Variants in DLG2 observed in about 807,000 individuals in gnomAD.
DLG2 encodes the protein discs large MAGUK scaffold protein 2.
Under a neutral mutation model 132.5 loss-of-function variants are expected in DLG2, and 45 were observed. The observed-to-expected ratio is 0.34, with a 90% confidence interval of 0.27 to 0.44. The LOEUF (loss-of-function observed/expected upper bound fraction) is 0.44. Ranked by LOEUF, DLG2 falls within the 20% of genes least tolerant of loss-of-function variation. The pLI, the probability that DLG2 is intolerant of heterozygous loss-of-function variation, is 1.00. For missense variants in DLG2, 1,045 were observed against 1,196.9 expected (o/e 0.87, Z 1.87); for synonymous variants, 424 against 419.6 (o/e 1.01, Z -0.13).
At chr11:84,118,616 C>T (rs1474995230) in intron 9 of DLG2, among the ~76,000 whole-genome samples, 1 of 152,194 alleles carries the variant, frequency 6.6e-6, no homozygotes, top group African/African-American at 2.4e-5. Context: ...TAAAGTGCAG[C>T]ACAGAGGTAT....
At chr11:84,678,711 A>G (rs1421615639) in intron 6 of DLG2, among the ~76,000 whole-genome samples, 1 of 152,074 alleles carries the variant, frequency 6.6e-6, no homozygotes, top group Non-Finnish European at 1.5e-5. Context: ...TTGTAAATAT[A>G]TATTTATACC....
At chr11:84,749,594 C>G (rs2065837945) in intron 6 of DLG2, among the ~76,000 whole-genome samples, 1 of 152,102 alleles carries the variant, frequency 6.6e-6, no homozygotes, top group African/African-American at 2.4e-5. Flanking sequence ...ATATTGCAGG[C>G]TACACCATCT....
chr11:85,453,267 C>G, intron 3 of DLG2: 1 of 327,204 alleles, frequency 3.1e-6, no homozygotes, highest in South Asian at 6.1e-5. Context: ...CAATAATCTT[C>G]TGGAAATCCA....
At chr11:83,582,613 G>C (rs916469025) in intron 19 of DLG2, among the ~76,000 whole-genome samples, 18 of 152,134 alleles carry the variant, frequency 1.2e-4, no homozygotes, top group Admixed American at 7.9e-4. Flanking sequence ...CCATTCCCCA[G>C]CAATATTATT....
chr11:84,125,443 C>T (rs2094130677), intron 9 of DLG2, among the ~76,000 whole-genome samples: 1 of 152,122 alleles, frequency 6.6e-6, no homozygotes, highest in Admixed American at 6.5e-5. Context: ...AATAAAGTGA[C>T]CCTCCAAACA....
chr11:84,895,823 TG>T (rs145203249), intron 6 of DLG2, among the ~76,000 whole-genome samples: 1,865 of 152,216 alleles, frequency 0.012, 48 homozygotes, highest in African/African-American at 0.042. Context: ...AATAATCATC[TG>T]AGAATGGAGA....
intron 3 of DLG2, among the ~76,000 whole-genome samples, chr11:85,582,916 G>T (rs1476680700): frequency 2.0e-5 from 3 of 148,282 alleles, no homozygotes; most frequent in Admixed American, 6.8e-5. Context: ...TACATTAGAT[G>T]ATTCAATTTG....
At chr11:83,716,286 A>AG (rs1271936486) in intron 18 of DLG2, among the ~76,000 whole-genome samples, 1 of 152,222 alleles carries the variant, frequency 6.6e-6, no homozygotes, top group Non-Finnish European at 1.5e-5. Flanking sequence ...TACAGCTTCA[A>AG]GCACAGAGAC....
chr11:84,160,396 AGAACT>A (rs1156279741), intron 9 of DLG2, among the ~76,000 whole-genome samples: 1 of 152,156 alleles, frequency 6.6e-6, no homozygotes, highest in African/African-American at 2.4e-5. Context: ...GTTAGGTCTG[AGAACT>A]GATGCTTCAA....
At chr11:83,965,559 T>A in intron 12 of DLG2, 91 bp from the exon 13 acceptor site, 1 of 1,035,984 alleles carries the variant, frequency 9.7e-7, no homozygotes, top group Non-Finnish European at 1.4e-6. Context: ...TTATAAATTG[T>A]GATAATTACT....
chr11:84,982,462 A>T (rs77778544), intron 6 of DLG2, among the ~76,000 whole-genome samples: 1 of 152,198 alleles, frequency 6.6e-6, no homozygotes, highest in Admixed American at 6.5e-5. Flanking sequence ...CCCATGCCCC[A>T]TACATCAACA....
At chr11:85,030,492 G>A (rs2060913564) in intron 6 of DLG2, among the ~76,000 whole-genome samples, 2 of 152,278 alleles carry the variant, frequency 1.3e-5, no homozygotes, top group South Asian at 4.1e-4. Context: ...AAAACAGTAA[G>A]AGTACAAGCA....
intron 5 of DLG2, among the ~76,000 whole-genome samples, chr11:85,134,733 TA>T (rs2076032150): frequency 6.6e-6 from 1 of 151,980 alleles, no homozygotes; most frequent in African/African-American, 2.4e-5. Flanking sequence ...GCACTGTTCA[TA>T]AAGATTTTAA....
chr11:84,647,219 A>G (rs2099676023), intron 6 of DLG2, among the ~76,000 whole-genome samples: 1 of 152,214 alleles, frequency 6.6e-6, no homozygotes, highest in African/African-American at 2.4e-5. Flanking sequence ...AAAGGTACGT[A>G]CAATTATGCC....
rs1233079465 is a variant in DLG2, at chr11:84,502,394, CTT to C, written c.519+32174_519+32175del. 3.4e-3 allele frequency among the ~76,000 whole-genome samples: 314 copies of C among 93,442 alleles called. 1 individual carries two copies. The highest frequency in any genetic ancestry group is 6.9e-3 in the South Asian group (22 of 3,176). The allele number at this position is 93,442 out of a possible 152,430, so 61.3% of individuals were successfully genotyped here. ...TCTTTCTTTCTTTCTTTCTTTCTTTCTTTCTTTCTTTCTTTCTTTCTATACAG... is the reference window on the plus strand; with the variant it reads ...TCTTTCTTTCTTTCTTTCTTTCTTTCTCTTTCTTTCTTTCTTTCTATACAG... On this transcript the variant is annotated intron_variant, in intron 7 of 27. Transcript: ENST00000376104.
At chr11:84,429,769 G>A (rs985475450) in intron 7 of DLG2, among the ~76,000 whole-genome samples, 4 of 152,120 alleles carry the variant, frequency 2.6e-5, no homozygotes, top group Non-Finnish European at 4.4e-5. Context: ...ATCTTGCTGT[G>A]TTGGAGAATG....
In DLG2 at chr11:85,186,642, G is replaced by A. The variant is rs113907815; in HGVS notation, c.187-31991C>T. On this transcript the variant is annotated intron_variant, in intron 4 of 27. Transcript: ENST00000376104. ...CTATTTTAAGACAGAACATAGATAC[G>A]TAGTAGTGTATTCATGTTGTGATAA... Among the ~76,000 whole-genome samples, 381 of 152,168 alleles carry A rather than the reference G, an allele frequency of 2.5e-3. 3 individuals are homozygous for A. The highest frequency in any genetic ancestry group is 8.0e-3 in the African/African-American group (332 of 41,544).
At chr11:84,188,389 T>C (rs749203636) in intron 8 of DLG2, among the ~76,000 whole-genome samples, 7 of 152,148 alleles carry the variant, frequency 4.6e-5, no homozygotes, top group East Asian at 1.9e-4. Flanking sequence ...CTCTCACATA[T>C]ATTATCTTAC....
At chr11:84,699,674 T>C (rs530418969) in intron 6 of DLG2, among the ~76,000 whole-genome samples, 1 of 151,730 alleles carries the variant, frequency 6.6e-6, no homozygotes, top group African/African-American at 2.4e-5. Flanking sequence ...CCATTCTGAC[T>C]ATCTTCGTCT....
Sources: allele counts gnomAD v4.1 joint callset (sites outside exome capture counted in the v4.1 genomes callset), GRCh38; gene constraint gnomAD v4.1.1; transcripts MANE v1.5; gene names NCBI Gene and HGNC (gene_info 2026-07-23, HGNC 2026-07-21).